The following GALNTL6 variants were observed in gnomAD, a reference collection of about 807,000 sequenced individuals.
The protein encoded by GALNTL6 is polypeptide N-acetylgalactosaminyltransferase-like 6.
A neutral mutation model predicts 73.7 loss-of-function variants in GALNTL6; 46 were observed. The observed-to-expected ratio is 0.62, with a 90% CI of 0.49 to 0.80. The LOEUF is 0.80. Among genes scored for constraint, GALNTL6 ranks in the 30% least tolerant of loss-of-function variants. The pLI, the probability that GALNTL6 is intolerant of heterozygous loss-of-function variation, is 0.00. For synonymous variants in GALNTL6, 259 were observed against 263.7 expected, an observed-to-expected ratio of 0.98 and a Z score of 0.17; for missense variants, 604 against 755.0, an observed-to-expected ratio of 0.80 and a Z score of 2.34.
chr4:172,051,780 C>T (rs971422834), intron 2 of GALNTL6, among the ~76,000 whole-genome samples: 3 of 152,128 alleles, frequency 2.0e-5, no homozygotes, highest in African/African-American at 7.2e-5. Context: ...CATGGGTTTC[C>T]AGGCTTGCAG....
intron 5 of GALNTL6, among the ~76,000 whole-genome samples, chr4:172,463,203 A>G (rs1056099750): frequency 6.6e-6 from 1 of 152,158 alleles, no homozygotes; most frequent in Non-Finnish European, 1.5e-5. Context: ...AATATAAAAT[A>G]TATCATCTTG....
chr4:172,233,065 CTTTTAAAAACTT>C (rs1320396052), intron 3 of GALNTL6, among the ~76,000 whole-genome samples: 1 of 151,958 alleles, frequency 6.6e-6, no homozygotes, highest in Non-Finnish European at 1.5e-5. Context: ...TCTACATTGT[CTTTTAAAAACTT>C]GATAATTTTG....
chr4:172,528,577 C>T (rs903827763), intron 5 of GALNTL6, among the ~76,000 whole-genome samples: 4 of 151,154 alleles, frequency 2.6e-5, no homozygotes, highest in Non-Finnish European at 5.9e-5. Context: ...GATCTCCTGA[C>T]CTTGTGATCC....
intron 2 of GALNTL6, among the ~76,000 whole-genome samples, chr4:171,884,909 T>A (rs552348724): frequency 1.3e-5 from 2 of 151,838 alleles, no homozygotes; most frequent in East Asian, 3.9e-4. Flanking sequence ...TACAAAAAAT[T>A]AGCTGAGTGT....
chr4:172,734,796 G>T (rs896922011), intron 5 of GALNTL6, among the ~76,000 whole-genome samples: 1 of 152,136 alleles, frequency 6.6e-6, no homozygotes, highest in African/African-American at 2.4e-5. Flanking sequence ...GTGCAGCCAG[G>T]ACTTGGTGCC....
intron 5 of GALNTL6, among the ~76,000 whole-genome samples, chr4:172,788,384 A>C (rs538154077): frequency 7.4e-4 from 113 of 152,202 alleles, no homozygotes; most frequent in African/African-American, 2.6e-3. Context: ...AAATAGATAG[A>C]TAGATGGGCC....
chr4:172,548,164 G>T (rs1013220631), intron 5 of GALNTL6, among the ~76,000 whole-genome samples: 2 of 63,364 alleles, frequency 3.2e-5, no homozygotes, highest in African/African-American at 9.8e-5. Context: ...TTAATATGTC[G>T]ATGTCAATGA....
intron 5 of GALNTL6, among the ~76,000 whole-genome samples, chr4:172,580,325 T>C (rs1737132946): frequency 6.6e-6 from 1 of 152,068 alleles, no homozygotes; most frequent in Non-Finnish European, 1.5e-5. Flanking sequence ...GAAAGCCCTA[T>C]AAAGTAATAG....
At chr4:171,896,291 G>A (rs1055962079) in intron 2 of GALNTL6, among the ~76,000 whole-genome samples, 13 of 152,022 alleles carry the variant, frequency 8.6e-5, no homozygotes, top group African/African-American at 2.4e-5. Context: ...AAGTAAAACT[G>A]TAATCATTGT....
At chr4:172,459,415 A>C (rs1732529292) in intron 5 of GALNTL6, among the ~76,000 whole-genome samples, 1 of 152,236 alleles carries the variant, frequency 6.6e-6, no homozygotes, top group Admixed American at 6.5e-5. Flanking sequence ...GAAGAGAGGA[A>C]GTCAAATTGC....
chr4:172,980,521 C>G (rs1751018651), intron 10 of GALNTL6, among the ~76,000 whole-genome samples: 2 of 152,162 alleles, frequency 1.3e-5, no homozygotes, highest in African/African-American at 4.8e-5. Context: ...GGCTGGAATT[C>G]TGAGATCAGG....
rs536633348 is a variant in GALNTL6 at position 172,301,931 on chromosome 4, T to C, written c.248-9683T>C. Reference sequence around the variant, plus strand: ...GGACATTTAAGTCTGCAGAGGTTTGTGCTGCCTTTTGTTTGGCTATGCCCT... The same window carrying C: ...GGACATTTAAGTCTGCAGAGGTTTGCGCTGCCTTTTGTTTGGCTATGCCCT... On this transcript the variant is annotated intron_variant, in intron 3 of 12. Coordinates refer to ENST00000506823, the MANE Select transcript of GALNTL6 (RefSeq NM_001034845.3). Among the ~76,000 whole-genome samples, 320 of 152,330 alleles carry C rather than the reference T, an allele frequency of 2.1e-3. 3 individuals are homozygous for C. Among genetic ancestry groups the C allele is most frequent in the South Asian group, 4.1e-3 (20 of 4,822 alleles).
chr4:172,228,276 A>T (rs1274870848), intron 2 of GALNTL6, among the ~76,000 whole-genome samples: 1 of 152,068 alleles, frequency 6.6e-6, no homozygotes, highest in East Asian at 1.9e-4. Context: ...AATTATCAGT[A>T]TTCCTGATAT....
intron 2 of GALNTL6, among the ~76,000 whole-genome samples, chr4:171,938,020 C>T (rs1353901963): frequency 6.6e-6 from 1 of 152,062 alleles, no homozygotes; most frequent in Non-Finnish European, 1.5e-5. Flanking sequence ...GTGTATAAAC[C>T]TAGTTATTTC....
chr4:172,972,477 A>G (rs1003869694), intron 10 of GALNTL6, among the ~76,000 whole-genome samples: 4 of 152,246 alleles, frequency 2.6e-5, no homozygotes, highest in Non-Finnish European at 5.9e-5. Context: ...TAGAAATTTC[A>G]ACATCAGCTA....
At chr4:172,529,657 A>C (rs1265154526) in intron 5 of GALNTL6, among the ~76,000 whole-genome samples, 1 of 147,026 alleles carries the variant, frequency 6.8e-6, no homozygotes, top group Non-Finnish European at 1.5e-5. Context: ...GCAAAGTTGG[A>C]GTACCTAATT....
At position 171,967,455 on chromosome 4, in the gene GALNTL6, T is replaced by TTTTTTGTTTTG. The variant is rs761710327; in HGVS notation, c.138+152742_138+152743insGTTTTGTTTTT. Among the ~76,000 whole-genome samples, 283 of 146,794 alleles carry TTTTTTGTTTTG rather than the reference T, an allele frequency of 1.9e-3. 3 individuals carry two copies. Among genetic ancestry groups the TTTTTTGTTTTG allele is most frequent in the Middle Eastern group, 7.1e-3 (2 of 280 alleles). ...TTTTCTTCCCCCTATGGGTTTTTTT[T>TTTTTTGTTTTG]TTTTTTTTTTGTAGATGTAGTTCTA... is the stretch of plus-strand genomic sequence containing the variant. On this transcript the variant is annotated intron_variant, in intron 2 of 12. Coordinates refer to ENST00000506823, the MANE Select transcript of GALNTL6 (RefSeq NM_001034845.3).
At chr4:172,052,441 C>A in intron 2 of GALNTL6, 1 of 1,534,394 alleles carries the variant, frequency 6.5e-7, no homozygotes, top group Non-Finnish European at 8.7e-7. Flanking sequence ...CATTCACCAG[C>A]CAGATGAGAG....
intron 5 of GALNTL6, among the ~76,000 whole-genome samples, chr4:172,420,031 T>C (rs138261604): frequency 6.6e-6 from 1 of 152,324 alleles, no homozygotes; most frequent in Non-Finnish European, 1.5e-5. Flanking sequence ...GATTAAAGAC[T>C]AAACTTTGGA....
Sources: gnomAD v4.1 joint callset for allele counts (sites outside exome capture counted in the v4.1 genomes callset) on GRCh38, gnomAD v4.1.1 for gene constraint, MANE v1.5 for transcripts, NCBI Gene and HGNC (gene_info 2026-07-23, HGNC 2026-07-21) for gene names.